Variants in SCMH1 observed in about 807,000 individuals in gnomAD.
The protein encoded by SCMH1 is Scm polycomb group protein homolog 1.
Under a neutral mutation model 70.8 loss-of-function variants are expected in SCMH1, and 37 were observed. That is an observed-to-expected ratio of 0.52 (90% CI 0.40 to 0.69). SCMH1 has a LOEUF of 0.69. Among genes scored for constraint, SCMH1 ranks in the 30% least tolerant of loss-of-function variants. The pLI, the probability that SCMH1 is intolerant of heterozygous loss-of-function variation, is 0.00. For missense variants in SCMH1, 607 were observed against 827.3 expected (o/e 0.73, Z 3.27); for synonymous variants, 292 against 307.4 (o/e 0.95, Z 0.52).
chr1:41,069,018 A>C (rs1655590842), intron 10 of SCMH1, among the ~76,000 whole-genome samples: 1 of 152,200 alleles, frequency 6.6e-6, no homozygotes, highest in African/African-American at 2.4e-5. Context: ...AGATGTACAC[A>C]GTAGGAAGAG....
chr1:41,030,205 C>T (rs1558264515), intron 13 of SCMH1, among the ~76,000 whole-genome samples: 5 of 151,980 alleles, frequency 3.3e-5, no homozygotes, highest in Non-Finnish European at 5.9e-5. Context: ...AGAGCGAGAC[C>T]CTGTCTCAAA....
chr1:41,177,055 G>A (rs561494051), intron 2 of SCMH1, among the ~76,000 whole-genome samples: 21 of 152,278 alleles, frequency 1.4e-4, no homozygotes, highest in African/African-American at 4.8e-4. Context: ...CCAGAGGAAC[G>A]ATCAGGCAGC....
chr1:41,120,611 A>G (rs1237022719), intron 6 of SCMH1, among the ~76,000 whole-genome samples: 12 of 152,202 alleles, frequency 7.9e-5, no homozygotes, highest in Non-Finnish European at 1.2e-4. Context: ...TCAATCCGCT[A>G]GGTGATGTGG....
chr1:41,131,740 T>C (rs1674780115), intron 6 of SCMH1, among the ~76,000 whole-genome samples: 3 of 152,176 alleles, frequency 2.0e-5, no homozygotes. Flanking sequence ...TGTGTGATGT[T>C]CTTTTCCCTG....
chr1:41,099,215 T>G (rs74811781), intron 8 of SCMH1: 1 of 160,784 alleles, frequency 6.2e-6, no homozygotes, highest in Non-Finnish European at 1.4e-5. Flanking sequence ...CAGAATAAAA[T>G]CAAATCAGCA....
chr1:41,135,798 T>C (rs931106421), intron 6 of SCMH1, among the ~76,000 whole-genome samples: 5 of 152,216 alleles, frequency 3.3e-5, no homozygotes, highest in African/African-American at 7.2e-5. Flanking sequence ...ATTTCCACCA[T>C]TGCAGAAAGT....
At chr1:41,234,437 C>T (rs868081772) in intron 1 of SCMH1, among the ~76,000 whole-genome samples, 1 of 142,428 alleles carries the variant, frequency 7.0e-6, no homozygotes, top group African/African-American at 2.6e-5. Context: ...GGCTGGGCAA[C>T]GGAGCAACTC....
chr1:41,141,052 A>C (rs1644022827), intron 6 of SCMH1, among the ~76,000 whole-genome samples: 1 of 148,384 alleles, frequency 6.7e-6, no homozygotes, highest in Admixed American at 6.7e-5. Flanking sequence ...TGGTAAATAA[A>C]GAAATAAAGC....
At chr1:41,212,133 G>C (rs1025619839) in intron 1 of SCMH1, among the ~76,000 whole-genome samples, 1 of 152,064 alleles carries the variant, frequency 6.6e-6, no homozygotes, top group African/African-American at 2.4e-5. Flanking sequence ...TGCTTGTTGT[G>C]CACATGTACC....
At chr1:41,209,093 C>T (rs533234282) in intron 1 of SCMH1, among the ~76,000 whole-genome samples, 10 of 151,730 alleles carry the variant, frequency 6.6e-5, no homozygotes, top group Admixed American at 3.9e-4. Context: ...AATGCCTCTA[C>T]GCAAATAAAC....
chr1:41,127,881 A>C (rs541053384), intron 6 of SCMH1, among the ~76,000 whole-genome samples: 87 of 152,268 alleles, frequency 5.7e-4, no homozygotes, highest in Non-Finnish European at 6.6e-4. Flanking sequence ...GACCCTCAGC[A>C]GAAATCAACC....
At chr1:41,222,038 G>GGCA (rs1659403771) in intron 1 of SCMH1, among the ~76,000 whole-genome samples, 1 of 151,624 alleles carries the variant, frequency 6.6e-6, no homozygotes, top group Admixed American at 6.6e-5. Context: ...ATCTTAAACT[G>GGCA]GCAGCATTAA....
intron 6 of SCMH1, among the ~76,000 whole-genome samples, chr1:41,136,505 C>A (rs1426154145): frequency 1.3e-5 from 2 of 151,670 alleles, no homozygotes; most frequent in African/African-American, 4.8e-5. Flanking sequence ...TCCTGAGTAG[C>A]TGGGACTACA....
At chr1:41,237,829 A>G (rs190657787) in intron 1 of SCMH1, among the ~76,000 whole-genome samples, 2 of 152,026 alleles carry the variant, frequency 1.3e-5, no homozygotes, top group African/African-American at 4.8e-5. Flanking sequence ...CTTTGCTACT[A>G]CCTCCCTTAG....
chr1:41,237,693 T>C (rs1005229758), intron 1 of SCMH1, among the ~76,000 whole-genome samples: 1 of 152,204 alleles, frequency 6.6e-6, no homozygotes, highest in Non-Finnish European at 1.5e-5. Flanking sequence ...ATTTTATATA[T>C]CTACCTAAAT....
intron 1 of SCMH1, among the ~76,000 whole-genome samples, chr1:41,201,866 A>G (rs1654433094): frequency 6.6e-6 from 1 of 152,228 alleles, no homozygotes; most frequent in Non-Finnish European, 1.5e-5. Flanking sequence ...CAGGCAGAAT[A>G]GTGCTCAGTA....
At chr1:41,218,875 G>C (rs1433209431) in intron 1 of SCMH1, among the ~76,000 whole-genome samples, 1 of 152,158 alleles carries the variant, frequency 6.6e-6, no homozygotes, top group Non-Finnish European at 1.5e-5. Context: ...TCCTGGCACA[G>C]AGCTTCTAAA....
chr1:41,175,514 T>C (rs1405642887), intron 2 of SCMH1, among the ~76,000 whole-genome samples: 1 of 152,196 alleles, frequency 6.6e-6, no homozygotes, highest in African/African-American at 2.4e-5. Flanking sequence ...ATCTCTCTCT[T>C]TACCTACCTA....
intron 1 of SCMH1, among the ~76,000 whole-genome samples, chr1:41,236,368 G>A (rs1040999653): frequency 6.6e-6 from 1 of 152,176 alleles, no homozygotes; most frequent in Admixed American, 6.5e-5. Context: ...CCATGACTCA[G>A]GAGATAGCCT....
Sources: allele counts gnomAD v4.1 joint callset (sites outside exome capture counted in the v4.1 genomes callset), GRCh38; gene constraint gnomAD v4.1.1; transcripts MANE v1.5; gene names NCBI Gene and HGNC (gene_info 2026-07-23, HGNC 2026-07-21).